The following GRAMD4 variants were observed in gnomAD, a reference collection of about 807,000 sequenced individuals.
The protein encoded by GRAMD4 is GRAM domain containing 4.
In GRAMD4, 25 loss-of-function variants were observed where a neutral mutation model predicts 83.9. That is an observed-to-expected ratio of 0.30 (90% CI 0.22 to 0.42). The LOEUF is 0.42. GRAMD4 is among the 10% of genes least tolerant of loss of function. The pLI, the probability that GRAMD4 is intolerant of heterozygous loss-of-function variation, is 1.00. For synonymous variants in GRAMD4, 336 were observed against 320.9 expected (o/e 1.05, Z -0.50); for missense variants, 593 against 788.7 (o/e 0.75, Z 2.97).
Position 46,679,098 on chromosome 22 carries a change from CA to C in GRAMD4, c.*1848del, listed in dbSNP as rs2082640144. 6.1e-6 allele frequency: 6 copies of C among 985,452 alleles called. No homozygotes were observed. The highest frequency in any genetic ancestry group is 1.7e-5 in the African/African-American group (1 of 57,246). The allele number at this position is 985,452 out of a possible 1,614,324, so 61.0% of individuals were successfully genotyped here. A position where few individuals can be genotyped will look rare whatever the true frequency, so the allele number is the denominator to read the frequency against. On this transcript the variant is annotated 3_prime_UTR_variant, in exon 19 of 19. Coordinates refer to ENST00000406902, the MANE Select transcript of GRAMD4 (RefSeq NM_015124.5). ...CACAGGGTGGGCACTGACCCACCCC[CA>C]GGGGCGGCTGCAGAGGCAGTGCCCG...
At chr22:46,640,726 A>C (rs1255116646) in intron 3 of GRAMD4, among the ~76,000 whole-genome samples, 2 of 152,068 alleles carry the variant, frequency 1.3e-5, no homozygotes, top group Non-Finnish European at 2.9e-5. Flanking sequence ...TCCCTGGTTG[A>C]AACCCACCAC....
downstream of GRAMD4, among the ~76,000 whole-genome samples, chr22:46,680,536 CCA>C (rs2082655349): frequency 1.7e-5 from 2 of 120,916 alleles, no homozygotes; most frequent in African/African-American, 3.4e-5. Flanking sequence ...ATCCATTCAT[CCA>C]CATCTGTCCG....
chr22:46,607,265 A>C (rs1045724035), intron 1 of GRAMD4, among the ~76,000 whole-genome samples: 5 of 152,174 alleles, frequency 3.3e-5, no homozygotes, highest in Admixed American at 6.5e-5. Context: ...TGATGGGTGC[A>C]GCAAACCAAC....
chr22:46,599,731 G>T (rs1054498986), intron 1 of GRAMD4, among the ~76,000 whole-genome samples: 2 of 152,184 alleles, frequency 1.3e-5, no homozygotes, highest in Non-Finnish European at 2.9e-5. Context: ...TCTTGGTTCT[G>T]TCTGGAAGAT....
At chr22:46,663,783 G>A (rs1339004996) in intron 6 of GRAMD4, 55 bp from the exon 7 acceptor site, 8 of 1,585,864 alleles carry the variant, frequency 5.0e-6, no homozygotes, top group Non-Finnish European at 6.9e-6. Context: ...AGTGGGGACT[G>A]CAGAGCCGGC....
At chr22:46,626,632 G>A (rs577681540) in intron 1 of GRAMD4, 119 bp from the exon 2 acceptor site, 3 of 594,340 alleles carry the variant, frequency 5.0e-6, no homozygotes, top group South Asian at 4.0e-5. Flanking sequence ...GTGGCAGGGC[G>A]GGGTCTCTGG....
At chr22:46,628,890 C>T (rs1486819972) in intron 2 of GRAMD4, among the ~76,000 whole-genome samples, 2 of 151,940 alleles carry the variant, frequency 1.3e-5, no homozygotes, top group Admixed American at 6.6e-5. Flanking sequence ...ATGGCGCTAG[C>T]GGTGTTGCTG....
At chr22:46,604,515 C>T (rs1000926855) in intron 1 of GRAMD4, among the ~76,000 whole-genome samples, 1 of 152,188 alleles carries the variant, frequency 6.6e-6, no homozygotes, top group Non-Finnish European at 1.5e-5. Flanking sequence ...CTGATCTTCC[C>T]CAACCGAAAC....
At chr22:46,651,885 G>A (rs893709866) in intron 3 of GRAMD4, among the ~76,000 whole-genome samples, 7 of 152,272 alleles carry the variant, frequency 4.6e-5, no homozygotes, top group African/African-American at 1.4e-4. Context: ...TGCCAGGGAC[G>A]CTGTACTCCT....
intron 1 of GRAMD4, among the ~76,000 whole-genome samples, chr22:46,612,559 C>T (rs965790205): frequency 6.6e-6 from 1 of 152,226 alleles, no homozygotes; most frequent in Non-Finnish European, 1.5e-5. Flanking sequence ...CTCTCAAGGC[C>T]CAAGCTGGTG....
chr22:46,635,016 C>T (rs1024879640), intron 2 of GRAMD4, among the ~76,000 whole-genome samples: 31 of 152,118 alleles, frequency 2.0e-4, no homozygotes, highest in Non-Finnish European at 4.1e-4. Context: ...TAGAGAGCAG[C>T]GGGCTGGGAG....
rs780188784 is a variant in GRAMD4, at chr22:46,668,921, ACCTGCGGCCTGTAGCTT to A, written c.1084+15_1084+31del. The A allele has an allele frequency of 6.2e-6, 9 of 1,454,710 alleles. No individual in the cohort carries two copies. The highest frequency in any genetic ancestry group is 5.0e-5 in the Admixed American group (3 of 59,816). 90.1% of individuals were successfully genotyped at this position (1,454,710 alleles called of 1,614,324 possible). On this transcript the variant is annotated intron_variant, in intron 13 of 18. Coordinates refer to ENST00000406902, the MANE Select transcript of GRAMD4 (RefSeq NM_015124.5). The stretch of plus-strand genomic sequence containing the variant: ...GGGCTTGCCGTGGGTAAGTAGATGC[ACCTGCGGCCTGTAGCTT>A]CAGGAGGAGGGACACAGGTGTCCGC...
chr22:46,616,861 G>C (rs1461490633), upstream of GRAMD4, among the ~76,000 whole-genome samples: 142 of 13,998 alleles, frequency 0.01, 5 homozygotes, highest in East Asian at 0.071. Flanking sequence ...CCTGTGTGTA[G>C]GTTCCCCCGT....
chr22:46,596,470 G>A (rs950287537), intron 1 of GRAMD4, among the ~76,000 whole-genome samples: 2 of 152,212 alleles, frequency 1.3e-5, no homozygotes, highest in Non-Finnish European at 2.9e-5. Context: ...CAAGGGGCTC[G>A]AATGGCCTTT....
chr22:46,669,615 G>T (rs1235616777), intron 13 of GRAMD4, among the ~76,000 whole-genome samples: 2 of 145,932 alleles, frequency 1.4e-5, no homozygotes, highest in Non-Finnish European at 3.0e-5. Flanking sequence ...TCGCTCTGTC[G>T]CCCAGGCTGG....
At chr22:46,584,427 T>G (rs1237867616) in intron 1 of GRAMD4, among the ~76,000 whole-genome samples, 1 of 152,134 alleles carries the variant, frequency 6.6e-6, no homozygotes, top group Non-Finnish European at 1.5e-5. Flanking sequence ...AAAGTGTGAG[T>G]TCGCGCCGCT....
At chr22:46,607,363 A>G (rs770668775) in intron 1 of GRAMD4, among the ~76,000 whole-genome samples, 1 of 152,190 alleles carries the variant, frequency 6.6e-6, no homozygotes, top group Non-Finnish European at 1.5e-5. Context: ...GAGGGGTCAT[A>G]ATAATAGTCG....
At chr22:46,655,271 TG>T (rs989429882) in intron 3 of GRAMD4, among the ~76,000 whole-genome samples, 4 of 56,024 alleles carry the variant, frequency 7.1e-5, no homozygotes, top group African/African-American at 2.7e-4. Context: ...AGGCTGGGAG[TG>T]GGTGGGTGGG....
chr22:46,670,806 A>G (rs1340967984), intron 13 of GRAMD4, among the ~76,000 whole-genome samples: 1 of 151,968 alleles, frequency 6.6e-6, no homozygotes, highest in African/African-American at 2.4e-5. Flanking sequence ...AGGTTTCACC[A>G]TGTTGGCCAG....
Sources: allele counts gnomAD v4.1 joint callset (sites outside exome capture counted in the v4.1 genomes callset), GRCh38; gene constraint gnomAD v4.1.1; transcripts MANE v1.5; gene names NCBI Gene and HGNC (gene_info 2026-07-23, HGNC 2026-07-21).